PCDHGC3: variants seen among roughly 807,000 people sequenced by gnomAD.
PCDHGC3 encodes the protein protocadherin gamma-C3.
A neutral mutation model predicts 59.2 loss-of-function variants in PCDHGC3; 26 were observed. The observed-to-expected ratio is 0.44, with a 90% confidence interval of 0.32 to 0.61. The LOEUF (loss-of-function observed/expected upper bound fraction) is 0.61. PCDHGC3 is among the 20% of genes least tolerant of loss of function. The probability of loss-of-function intolerance (pLI) is 0.05; values close to 1 mark genes in which losing one functional copy is unlikely to be tolerated. For synonymous variants in PCDHGC3, 487 were observed against 519.7 expected, an observed-to-expected ratio of 0.94 and a Z score of 0.86; for missense variants, 1,080 against 1,221.8, an observed-to-expected ratio of 0.88 and a Z score of 1.73.
rs2099612736 is a variant in PCDHGC3 at position 141,485,393 on chromosome 5, C to T, written c.2430+6847C>T. The T allele has an allele frequency of 6.2e-7, 1 of 1,614,154 alleles. No homozygotes were observed. The highest frequency in any genetic ancestry group is 1.7e-5 in the Admixed American group (1 of 60,020). ...GGTCGCTGGAGAGGTGAACCAAAGA[C>T]ACTTCCGTGTGGATTTGGACAGCGG... On this transcript the variant is annotated intron_variant, in intron 1 of 3. Coordinates refer to ENST00000308177, the MANE Select transcript of PCDHGC3 (RefSeq NM_002588.4). The surrounding 1 kb of genome is among the most constrained non-coding windows in gnomAD (Gnocchi z 5.7).
Position 141,478,468 on chromosome 5 carries a change from C to A in PCDHGC3, c.2352C>A (p.Ser784Arg), listed in dbSNP as rs2099457906. Residue 784 changes from serine (S) to arginine (R), a missense_variant, in exon 1 of 4, where the codon AGC becomes AGA. Ser to Arg is a moderately radical substitution (Grantham distance 110). Coordinates refer to ENST00000308177, the MANE Select transcript of PCDHGC3 (RefSeq NM_002588.4). ...KKPGAASPLA[S>R]RQNTLRSCDP... ...CTGGTGCAGCCAGTCCACTGGCCAG[C>A]CGCCAGAACACGCTGCGGAGCTGTG... 1.2e-6 allele frequency: 2 copies of A among 1,613,800 alleles called. No homozygotes were observed. The highest frequency in any genetic ancestry group is 1.7e-5 in the Admixed American group (1 of 59,978).
chr5:141,478,196 C>T lies in PCDHGC3; in HGVS notation c.2080C>T (p.Leu694=). The part of the protein sequence containing the change: ...REQKKNLTFY[L]LLSLILVSVG... ...GCAGAAAAAAAATCTCACCTTTTAT[C>T]TACTTCTTTCTCTAATCCTGGTTTC... Residue 694 remains leucine (L), a synonymous_variant, in exon 1 of 4, where the codon CTA becomes TTA. Transcript: ENST00000308177. 1 of 1,614,068 alleles carries T rather than the reference C, an allele frequency of 6.2e-7. No homozygotes were observed. Among genetic ancestry groups the T allele is most frequent in the Middle Eastern group, 1.6e-4 (1 of 6,062 alleles).
chr5:141,503,400 A>C (rs2099819725), intron 2 of PCDHGC3, among the ~76,000 whole-genome samples: 1 of 151,750 alleles, frequency 6.6e-6, no homozygotes, highest in Non-Finnish European at 1.5e-5. Context: ...TTCGAAACCA[A>C]CCTGGCCAAT....
At position 141,485,386 on chromosome 5, in the gene PCDHGC3, C is replaced by A. The variant is rs1044608807; in HGVS notation, c.2430+6840C>A. The stretch of plus-strand genomic sequence containing the variant: ...GGCTGCAGGTCGCTGGAGAGGTGAA[C>A]CAAAGACACTTCCGTGTGGATTTGG... On this transcript the variant is annotated intron_variant, in intron 1 of 3. Coordinates refer to ENST00000308177, the MANE Select transcript of PCDHGC3 (RefSeq NM_002588.4). This position sits in a 1 kb window ranked among gnomAD's most constrained non-coding sequence, Gnocchi z 5.7. 1.2e-6 allele frequency: 2 copies of A among 1,614,104 alleles called. No homozygotes were observed. The highest frequency in any genetic ancestry group is 8.5e-7 in the Non-Finnish European group (1 of 1,180,002).
At position 141,490,341 on chromosome 5, in the gene PCDHGC3, A is replaced by C. The variant is rs778299384; in HGVS notation, c.2431-4466A>C. ...TCCTAGAGAGCACACCAGTGGGCACAGTAGTGGGGTTGTTTAATGTGCGAG... is the reference window on the plus strand; with the variant it reads ...TCCTAGAGAGCACACCAGTGGGCACCGTAGTGGGGTTGTTTAATGTGCGAG... On this transcript the variant is annotated intron_variant, in intron 1 of 3. Coordinates refer to ENST00000308177, the MANE Select transcript of PCDHGC3 (RefSeq NM_002588.4). This position sits in a 1 kb window ranked among gnomAD's most constrained non-coding sequence, Gnocchi z 5.4. The C allele has an allele frequency of 5.0e-6, 8 of 1,614,204 alleles. No homozygotes were observed. The South Asian group carries it at 8.8e-5, about 18-fold the overall frequency.
rs773899530 is a variant in PCDHGC3 at position 141,494,864 on chromosome 5, G to A, written c.2488G>A (p.Gly830Ser). 1.6e-5 allele frequency: 26 copies of A among 1,613,950 alleles called. No individual in the cohort carries two copies. The Admixed American group carries it at 3.5e-4, about 22-fold the overall frequency. Reference protein sequence around the residue: ...FSQAQRPGTSGSQNGDDTGTW... With the variant: ...FSQAQRPGTSSSQNGDDTGTW... ...TCAGGCCCAGAGACCCGGCACCAGC[G>A]GGTAGGTGACTGATTCTCCAGCCCA... Residue 830 changes from glycine to serine, a missense_variant and splice_region_variant, in exon 2 of 4, where the codon GGC (glycine) becomes AGC (serine). Gly to Ser is a moderately conservative substitution (Grantham distance 56, BLOSUM62 0). Coordinates refer to ENST00000308177, the MANE Select transcript of PCDHGC3 (RefSeq NM_002588.4).
At chr5:141,484,176 A>G (rs1044076131) in intron 1 of PCDHGC3, among the ~76,000 whole-genome samples, 1 of 152,236 alleles carries the variant, frequency 6.6e-6, no homozygotes, top group East Asian at 1.9e-4. Context: ...GCTGATCTCA[A>G]TCATTCAAGG....
At chr5:141,495,544 T>C (rs971374249) in intron 2 of PCDHGC3, among the ~76,000 whole-genome samples, 5 of 152,220 alleles carry the variant, frequency 3.3e-5, no homozygotes, top group African/African-American at 7.2e-5. Context: ...CCTCAGTCTC[T>C]ATCTCGCTTT....
In PCDHGC3 at chr5:141,512,517, A is replaced by G. The variant is rs985434754; in HGVS notation, c.*1344A>G. ...GTCCCCAGTGCGCCCCCTAGTGGCC[A>G]TAGCCTGGTTAAAGTTCCCCAGTGC... On this transcript the variant is annotated 3_prime_UTR_variant, in exon 4 of 4. Coordinates refer to ENST00000308177, the MANE Select transcript of PCDHGC3 (RefSeq NM_002588.4). 3 of 152,938 alleles carry G rather than the reference A, an allele frequency of 2.0e-5. No individual in the cohort carries two copies. Among genetic ancestry groups the G allele is most frequent in the African/African-American group, 7.2e-5 (3 of 41,464 alleles). 9.5% of individuals were successfully genotyped at this position (152,938 alleles called of 1,614,324 possible).
intron 1 of PCDHGC3, chr5:141,484,949 A>G: frequency 1.8e-6 from 1 of 557,402 alleles, no homozygotes; most frequent in East Asian, 3.1e-5. Flanking sequence ...TGCTCAGCCT[A>G]TTGGCTGAGC....
Position 141,477,201 on chromosome 5 carries a change from C to T in PCDHGC3, c.1085C>T (p.Pro362Leu), listed in dbSNP as rs1269388368. 6.2e-7 allele frequency: 1 copy of T among 1,614,076 alleles called. No homozygotes were observed. Among genetic ancestry groups the T allele is most frequent in the Non-Finnish European group, 8.5e-7 (1 of 1,180,056 alleles). The change falls in exon 1 of 4, where the codon CCC (proline) becomes CTC (leucine). Residue 362 changes from proline (P) to leucine (L), a missense_variant. By Grantham distance (98) the Pro-to-Leu change is moderately conservative. Transcript: ENST00000308177. The surrounding 1 kb of genome is among the most constrained non-coding windows in gnomAD (Gnocchi z 4.9). ...GTCACCTCCGTGTACAGCCCAGTAC[C>T]CGAGGATGCCCCTCTGGGGACTGTC... is the stretch of plus-strand genomic sequence containing the variant. ...ITVTSVYSPVPEDAPLGTVIA... is the reference protein window; with the variant it reads ...ITVTSVYSPVLEDAPLGTVIA...
At chr5:141,495,652 T>C (rs1403816239) in intron 2 of PCDHGC3, among the ~76,000 whole-genome samples, 2 of 152,336 alleles carry the variant, frequency 1.3e-5, no homozygotes, top group Admixed American at 6.5e-5. Context: ...CTACTTGCAT[T>C]GATCTGTGCC....
intron 1 of PCDHGC3, among the ~76,000 whole-genome samples, chr5:141,492,329 C>T (rs2099739386): frequency 1.3e-5 from 2 of 152,232 alleles, no homozygotes; most frequent in African/African-American, 4.8e-5. Context: ...CGTGGGCTTA[C>T]GCGAATACCA....
Position 141,490,854 on chromosome 5 carries a change from C to T in PCDHGC3, c.2431-3953C>T. On this transcript the variant is annotated intron_variant, in intron 1 of 3. Transcript: ENST00000308177. The surrounding 1 kb of genome is among the most constrained non-coding windows in gnomAD (Gnocchi z 5.4). The stretch of plus-strand genomic sequence containing the variant: ...TGCAGATTGTGGTGGGGGTTCGAGA[C>T]TCCGGCTCTCCCCCATTGCATGCCA... 6.2e-7 allele frequency: 1 copy of T among 1,613,900 alleles called. No homozygotes were observed. The highest frequency in any genetic ancestry group is 8.5e-7 in the Non-Finnish European group (1 of 1,179,914).
At chr5:141,506,237 T>G (rs558256375) in intron 3 of PCDHGC3, among the ~76,000 whole-genome samples, 1 of 152,014 alleles carries the variant, frequency 6.6e-6, no homozygotes, top group South Asian at 2.1e-4. Flanking sequence ...GATCATGAGG[T>G]CAGGAGTTCG....
rs1406362621 is a variant in PCDHGC3, at chr5:141,477,099, G to A, written c.983G>A (p.Gly328Asp). The change falls in exon 1 of 4, where the codon GGC (glycine) becomes GAC (aspartate). Residue 328 changes from glycine (G) to aspartate (D), a missense_variant. By Grantham distance (94) the Gly-to-Asp change is moderately conservative (BLOSUM62 -1). Transcript: ENST00000308177. This position sits in a 1 kb window ranked among gnomAD's most constrained non-coding sequence, Gnocchi z 4.9. ...ATTTACATCCAGGCCAAAGACAAGG[G>A]CGCCAATCCCGAAGGAGCACATTGC... ...HEIYIQAKDK[G>D]ANPEGAHCKV... The A allele has an allele frequency of 6.2e-7, 1 of 1,614,256 alleles. No individual in the cohort carries two copies. Among genetic ancestry groups the A allele is most frequent in the Non-Finnish European group, 8.5e-7 (1 of 1,180,054 alleles).
intron 2 of PCDHGC3, 30 bp from the exon 3 acceptor site, chr5:141,505,361 AGT>A: frequency 6.2e-7 from 1 of 1,613,910 alleles, no homozygotes; most frequent in Non-Finnish European, 8.5e-7. Context: ...CCGGCCTGGG[AGT>A]CTGTGCTCAC....
Position 141,487,933 on chromosome 5 carries a change from A to G in PCDHGC3, c.2431-6874A>G. ...CACAGGAGGCTACAGTGCACAGGGT[A>G]CAGTGCACCAGGCAGTCACTTGGAC... is the stretch of plus-strand genomic sequence containing the variant. On this transcript the variant is annotated intron_variant, in intron 1 of 3. Coordinates refer to ENST00000308177, the MANE Select transcript of PCDHGC3 (RefSeq NM_002588.4). This position sits in a 1 kb window ranked among gnomAD's most constrained non-coding sequence, Gnocchi z 5.0. 1 of 612,006 alleles carries G rather than the reference A, an allele frequency of 1.6e-6. No homozygotes were observed. Among genetic ancestry groups the G allele is most frequent in the South Asian group, 2.0e-5 (1 of 49,074 alleles). The allele number at this position is 612,006 out of a possible 1,614,324, so 37.9% of individuals were successfully genotyped here. A position where few individuals can be genotyped will look rare whatever the true frequency, so the allele number is the denominator to read the frequency against.
intron 3 of PCDHGC3, among the ~76,000 whole-genome samples, chr5:141,509,050 C>T (rs867585045): frequency 1.6e-4 from 25 of 152,304 alleles, no homozygotes; most frequent in Admixed American, 5.2e-4. Flanking sequence ...CCCCCGCCCC[C>T]AGAAAGCTCT....
Sources: gnomAD v4.1 joint callset for allele counts (sites outside exome capture counted in the v4.1 genomes callset) on GRCh38, gnomAD v4.1.1 for gene constraint, Gnocchi (gnomAD v3.1) non-coding constraint, MANE v1.5 for transcripts, NCBI Gene and HGNC (gene_info 2026-07-23, HGNC 2026-07-21) for gene names.